Variants in GPM6A observed in about 807,000 individuals in gnomAD.
The protein encoded by GPM6A is glycoprotein M6A.
GPM6A carries 7 observed loss-of-function variants against 32.1 expected under a neutral mutation model. The observed-to-expected ratio is 0.22, with a 90% CI of 0.12 to 0.41. The LOEUF is 0.41. GPM6A is among the 10% of genes least tolerant of loss of function. The pLI is 1.00. For missense variants in GPM6A, 235 were observed against 347.2 expected, an observed-to-expected ratio of 0.68 and a Z score of 2.57; for synonymous variants, 130 against 123.4, an observed-to-expected ratio of 1.05 and a Z score of -0.35.
At chr4:175,771,551 C>CAAAAAA (rs889739577) in intron 1 of GPM6A, among the ~76,000 whole-genome samples, 4 of 66,568 alleles carry the variant, frequency 6.0e-5, no homozygotes, top group Non-Finnish European at 1.3e-4. Context: ...GACTCTGTCT[C>CAAAAAA]AAAAAAAAAA....
At chr4:175,796,792 G>T (rs1579511365) in intron 1 of GPM6A, among the ~76,000 whole-genome samples, 1 of 152,248 alleles carries the variant, frequency 6.6e-6, no homozygotes, top group African/African-American at 2.4e-5. Context: ...AAACAAAGAA[G>T]CAAACAGCAT....
At chr4:175,983,268 CTTAACAAATAT>C (rs1740870790) in intron 1 of GPM6A, among the ~76,000 whole-genome samples, 2 of 152,270 alleles carry the variant, frequency 1.3e-5, no homozygotes, top group South Asian at 4.1e-4. Flanking sequence ...TGGAAAGTGG[CTTAACAAATAT>C]TTTAAACAAT....
Position 175,973,642 on chromosome 4 carries a change from A to G in GPM6A, c.-23+28667T>C, listed in dbSNP as rs112689525. Among the ~76,000 whole-genome samples the G allele has an allele frequency of 5.3e-5, 8 of 152,338 alleles. 1 individual carries two copies. Among genetic ancestry groups the G allele is most frequent in the African/African-American group, 1.9e-4 (8 of 41,580 alleles). Reference sequence around the variant, plus strand: ...AAATTACTAAGCATTCTTCAAAAACACTGTTCTGAAAGAATATTAGAAAGA... The same window carrying G: ...AAATTACTAAGCATTCTTCAAAAACGCTGTTCTGAAAGAATATTAGAAAGA... On this transcript the variant is annotated intron_variant, in intron 1 of 7. Transcript: ENST00000280187.
Position 175,785,473 on chromosome 4 carries a change from G to A in GPM6A, c.37+26718C>T, listed in dbSNP as rs528893596. Among the ~76,000 whole-genome samples the A allele has an allele frequency of 3.9e-5, 6 of 152,250 alleles. No homozygotes were observed. The East Asian group carries it at 9.6e-4, about 24-fold the overall frequency. On this transcript the variant is annotated intron_variant, in intron 1 of 6. Coordinates refer to ENST00000393658, the MANE Select transcript of GPM6A (RefSeq NM_201591.3). ...TTTGTTATGCATCATGCCTCCTACAGCTGTTGGGAGAATAGAATTAGTAAC... is the reference window on the plus strand; with the variant it reads ...TTTGTTATGCATCATGCCTCCTACAACTGTTGGGAGAATAGAATTAGTAAC...
At chr4:175,779,571 C>T (rs1464699428) in intron 1 of GPM6A, among the ~76,000 whole-genome samples, 1 of 152,094 alleles carries the variant, frequency 6.6e-6, no homozygotes, top group Non-Finnish European at 1.5e-5. Flanking sequence ...TCTCATGGCT[C>T]TCAAGAATAT....
intron 1 of GPM6A, among the ~76,000 whole-genome samples, chr4:175,723,831 G>T (rs2016952): frequency 0.87 from 132,838 of 152,106 alleles, 58,205 homozygotes; most frequent in Non-Finnish European, 0.92. Flanking sequence ...CCCCATAACT[G>T]TTAGGACTCT....
At chr4:175,919,697 T>C (rs1738605353) in intron 1 of GPM6A, among the ~76,000 whole-genome samples, 1 of 152,134 alleles carries the variant, frequency 6.6e-6, no homozygotes, top group South Asian at 2.1e-4. Flanking sequence ...GAATTCCCAT[T>C]TACAACTGGA....
intron 1 of GPM6A, among the ~76,000 whole-genome samples, chr4:175,721,588 T>C (rs1410570803): frequency 6.6e-6 from 1 of 152,190 alleles, no homozygotes; most frequent in African/African-American, 2.4e-5. Flanking sequence ...TAGTTTAATG[T>C]TTTCCTCAAA....
chr4:175,653,937 G>A (rs538602242), intron 3 of GPM6A, among the ~76,000 whole-genome samples: 1 of 152,150 alleles, frequency 6.6e-6, no homozygotes, highest in East Asian at 1.9e-4. Flanking sequence ...ATCAATAGGT[G>A]AAGCTCACAG....
At chr4:175,724,420 T>A (rs1007912452) in intron 1 of GPM6A, among the ~76,000 whole-genome samples, 1 of 152,040 alleles carries the variant, frequency 6.6e-6, no homozygotes, top group Admixed American at 6.5e-5. Context: ...GGTGGATGCC[T>A]GTAATCCCAG....
chr4:175,653,294 C>A (rs1256866933), intron 3 of GPM6A, among the ~76,000 whole-genome samples: 1 of 152,042 alleles, frequency 6.6e-6, no homozygotes, highest in Non-Finnish European at 1.5e-5. Flanking sequence ...GGAGATCAAA[C>A]CTTTTTATTA....
rs200263315 is a variant in GPM6A at position 175,717,784 on chromosome 4, G to T, written c.38-16017C>A. Among the ~76,000 whole-genome samples, 25 of 152,248 alleles carry T rather than the reference G, an allele frequency of 1.6e-4. No homozygotes were observed. The East Asian group carries it at 4.4e-3, about 27-fold the overall frequency. ...TTCATGTTTTGTTCTTGGTTAATATGATAAAGAATGTATTATAATTTTTCT... is the reference window on the plus strand; with the variant it reads ...TTCATGTTTTGTTCTTGGTTAATATTATAAAGAATGTATTATAATTTTTCT... On this transcript the variant is annotated intron_variant, in intron 1 of 6. Transcript: ENST00000393658.
intron 3 of GPM6A, among the ~76,000 whole-genome samples, chr4:175,659,562 T>C (rs1742282697): frequency 6.6e-6 from 1 of 152,218 alleles, no homozygotes; most frequent in Admixed American, 6.5e-5. Flanking sequence ...CATAAATTTA[T>C]TTTTTAAATG....
At chr4:175,997,320 G>C (rs1741338362) in intron 1 of GPM6A, among the ~76,000 whole-genome samples, 2 of 152,064 alleles carry the variant, frequency 1.3e-5, no homozygotes. Flanking sequence ...GCTGAGGTTG[G>C]GACTCTTATC....
chr4:175,996,378 A>C (rs1025371299), intron 1 of GPM6A, among the ~76,000 whole-genome samples: 1 of 152,218 alleles, frequency 6.6e-6, no homozygotes, highest in African/African-American at 2.4e-5. Context: ...TGTAAAGCTA[A>C]CACATTCTTG....
At chr4:175,861,449 A>G (rs897929317) in intron 1 of GPM6A, among the ~76,000 whole-genome samples, 1 of 151,694 alleles carries the variant, frequency 6.6e-6, no homozygotes, top group African/African-American at 2.4e-5. Flanking sequence ...AAAAAAAACA[A>G]CTTTGAATCA....
intron 1 of GPM6A, among the ~76,000 whole-genome samples, chr4:175,992,715 T>C (rs62340606): frequency 0.15 from 23,458 of 152,184 alleles, 2,321 homozygotes; most frequent in Non-Finnish European, 0.22. Flanking sequence ...TATTTATCTA[T>C]ATATTCCTAA....
intron 1 of GPM6A, among the ~76,000 whole-genome samples, chr4:175,774,272 G>T (rs781634447): frequency 1.4e-4 from 21 of 151,974 alleles, no homozygotes; most frequent in Non-Finnish European, 1.9e-4. Flanking sequence ...CGAACCAAAG[G>T]TCTCTAAAAT....
chr4:175,817,010 C>G (rs1199087278), upstream of GPM6A, among the ~76,000 whole-genome samples: 2 of 152,148 alleles, frequency 1.3e-5, no homozygotes, highest in African/African-American at 2.4e-5. Context: ...CACCCCGCCA[C>G]CACGCCCGGC....
Sources: gnomAD v4.1 joint callset for allele counts (sites outside exome capture counted in the v4.1 genomes callset) on GRCh38, gnomAD v4.1.1 for gene constraint, MANE v1.5 for transcripts, NCBI Gene and HGNC (gene_info 2026-07-23, HGNC 2026-07-21) for gene names.